TRPM3: variants seen among roughly 807,000 people sequenced by gnomAD.
TRPM3 encodes long transient receptor potential channel 3.
A neutral mutation model predicts 181.2 loss-of-function variants in TRPM3; 77 were observed. The observed-to-expected ratio is 0.42, with a 90% confidence interval of 0.35 to 0.51. TRPM3 has a LOEUF of 0.51. Among genes scored for constraint, TRPM3 ranks in the 20% least tolerant of loss-of-function variants. The probability of loss-of-function intolerance (pLI) is 0.01; values close to 1 mark genes in which losing one functional copy is unlikely to be tolerated. For synonymous variants in TRPM3, 745 were observed against 796.4 expected (o/e 0.94, Z 1.09); for missense variants, 1,759 against 2,196.7 (o/e 0.80, Z 3.98).
intron 1 of TRPM3, among the ~76,000 whole-genome samples, chr9:71,107,104 A>T (rs2134147297): frequency 6.6e-6 from 1 of 152,316 alleles, no homozygotes. Context: ...CTGTTAAACA[A>T]GAATGAGCTG....
chr9:70,551,823 G>A (rs1486137515), intron 24 of TRPM3, among the ~76,000 whole-genome samples: 1 of 152,076 alleles, frequency 6.6e-6, no homozygotes, highest in East Asian at 1.9e-4. Flanking sequence ...CATCCACCCC[G>A]ACCCCTCCAA....
At chr9:71,349,494 A>C (rs2091477347) in intron 1 of TRPM3, among the ~76,000 whole-genome samples, 1 of 152,234 alleles carries the variant, frequency 6.6e-6, no homozygotes, top group African/African-American at 2.4e-5. Flanking sequence ...ACTTCAGCAT[A>C]ACGTTCAGTA....
intron 11 of TRPM3, among the ~76,000 whole-genome samples, chr9:70,637,065 GT>G (rs1454003095): frequency 1.3e-5 from 2 of 152,106 alleles, no homozygotes; most frequent in Admixed American, 1.3e-4. Flanking sequence ...TCATGTGGAC[GT>G]GCCCATCAGA....
intron 1 of TRPM3, among the ~76,000 whole-genome samples, chr9:71,095,758 C>CAAAAAAAAAA (rs34934062): frequency 3.5e-5 from 3 of 85,252 alleles, no homozygotes; most frequent in Non-Finnish European, 4.7e-5. Flanking sequence ...GACTCTGTGT[C>CAAAAAAAAAA]AAAAAAAAAA....
At chr9:71,008,281 C>T (rs1182045150) in intron 1 of TRPM3, among the ~76,000 whole-genome samples, 1 of 151,962 alleles carries the variant, frequency 6.6e-6, no homozygotes, top group Non-Finnish European at 1.5e-5. Flanking sequence ...AATATACTCC[C>T]ATTAAAGAAA....
At chr9:71,441,424 GC>G (rs1171344696) in intron 1 of TRPM3, among the ~76,000 whole-genome samples, 2 of 152,178 alleles carry the variant, frequency 1.3e-5, no homozygotes, top group Middle Eastern at 3.4e-3. Context: ...CATCAGGAGA[GC>G]CCTTTGTGTA....
chr9:70,918,649 G>A (rs985281237), intron 1 of TRPM3, among the ~76,000 whole-genome samples: 6 of 151,938 alleles, frequency 3.9e-5, no homozygotes, highest in Non-Finnish European at 5.9e-5. Context: ...ACCTTTAAAC[G>A]CCTATGTCAA....
At chr9:70,880,895 T>G (rs1188052970) in intron 1 of TRPM3, among the ~76,000 whole-genome samples, 2 of 152,112 alleles carry the variant, frequency 1.3e-5, no homozygotes, top group Non-Finnish European at 2.9e-5. Context: ...AACAGAGAAA[T>G]GAAGTGGTAG....
intron 1 of TRPM3, among the ~76,000 whole-genome samples, chr9:71,376,938 G>A (rs933495607): frequency 1.3e-5 from 2 of 151,728 alleles, no homozygotes; most frequent in African/African-American, 4.8e-5. Flanking sequence ...ACATTCTCTG[G>A]AAGAATAGAC....
At chr9:71,368,167 T>G (rs2132774426) in intron 1 of TRPM3, among the ~76,000 whole-genome samples, 1 of 152,286 alleles carries the variant, frequency 6.6e-6, no homozygotes, top group East Asian at 1.9e-4. Flanking sequence ...ATAAATCCTT[T>G]CTTTGCTAAA....
chr9:70,944,334 A>G (rs2096912728), intron 1 of TRPM3, among the ~76,000 whole-genome samples: 2 of 152,326 alleles, frequency 1.3e-5, no homozygotes, highest in South Asian at 4.1e-4. Context: ...TGAAGCAAGG[A>G]TGAGTTTCTC....
At chr9:71,445,290 T>TA (rs1420707556) in intron 1 of TRPM3, among the ~76,000 whole-genome samples, 8 of 152,218 alleles carry the variant, frequency 5.3e-5, no homozygotes, top group Non-Finnish European at 7.3e-5. Context: ...ACATACTTGA[T>TA]AAAAAACAGA....
At chr9:71,066,953 C>A (rs540661711) in intron 1 of TRPM3, among the ~76,000 whole-genome samples, 1 of 152,260 alleles carries the variant, frequency 6.6e-6, no homozygotes, top group African/African-American at 2.4e-5. Context: ...TTTTGTTCTA[C>A]AGATAGAGGT....
At chr9:70,908,180 A>C (rs971983581) in intron 1 of TRPM3, among the ~76,000 whole-genome samples, 2 of 152,224 alleles carry the variant, frequency 1.3e-5, no homozygotes, top group Non-Finnish European at 2.9e-5. Flanking sequence ...AGTTGACAAA[A>C]ATCGTATGAG....
chr9:71,394,152 A>T (rs1457540109), intron 1 of TRPM3, among the ~76,000 whole-genome samples: 1 of 152,258 alleles, frequency 6.6e-6, no homozygotes, highest in East Asian at 1.9e-4. Flanking sequence ...TTAACATGAG[A>T]AGTTTTACAG....
At chr9:71,009,083 A>G (rs992394563) in intron 1 of TRPM3, among the ~76,000 whole-genome samples, 1 of 152,250 alleles carries the variant, frequency 6.6e-6, no homozygotes, top group Non-Finnish European at 1.5e-5. Flanking sequence ...CTGTAACACA[A>G]TAAAGGCCAT....
intron 6 of TRPM3, among the ~76,000 whole-genome samples, chr9:70,796,973 T>C (rs1218910932): frequency 6.6e-6 from 1 of 151,616 alleles, no homozygotes; most frequent in Admixed American, 6.6e-5. Context: ...TACAAAAAAA[T>C]TTAAAAGTTA....
At chr9:70,575,756 G>A (rs1227337087) in intron 22 of TRPM3, among the ~76,000 whole-genome samples, 5 of 152,158 alleles carry the variant, frequency 3.3e-5, no homozygotes, top group East Asian at 1.9e-4. Flanking sequence ...GCCCAAGGTC[G>A]CAGGGTTAGT....
Position 71,385,744 on chromosome 9 carries a change from A to C in TRPM3, c.183+60909T>G, listed in dbSNP as rs189208462. ...TTTTGAGACAGGGTCTCACTCTGTCACTCAGGCTGGAATGCAGTGGCACAA... is the reference window on the plus strand; with the variant it reads ...TTTTGAGACAGGGTCTCACTCTGTCCCTCAGGCTGGAATGCAGTGGCACAA... On this transcript the variant is annotated intron_variant, in intron 1 of 24. Coordinates refer to the TRPM3 transcript ENST00000357533. 8.9e-4 allele frequency among the ~76,000 whole-genome samples: 135 copies of C among 152,168 alleles called. 1 individual carries two copies. The highest frequency in any genetic ancestry group is 3.2e-3 in the African/African-American group (132 of 41,534).
Sources: allele counts gnomAD v4.1 joint callset (sites outside exome capture counted in the v4.1 genomes callset), GRCh38; gene constraint gnomAD v4.1.1; transcripts MANE v1.5; gene names NCBI Gene and HGNC (gene_info 2026-07-23, HGNC 2026-07-21).